Variants in IMMP2L observed in about 807,000 individuals in gnomAD.
IMMP2L encodes mitochondrial inner membrane protease subunit 2.
IMMP2L carries 18 observed loss-of-function variants against 19.3 expected under a neutral mutation model. That is an observed-to-expected ratio of 0.93 (90% CI 0.64 to 1.38). The LOEUF (loss-of-function observed/expected upper bound fraction) is 1.38. Ranked by LOEUF, IMMP2L falls within the 40% of genes most tolerant of loss-of-function variation. IMMP2L has a pLI of 0.00. For missense variants in IMMP2L, 233 were observed against 218.2 expected (o/e 1.07, Z -0.43); for synonymous variants, 76 against 73.0 (o/e 1.04, Z -0.21).
At chr7:111,460,522 T>A (rs1450632052) in intron 3 of IMMP2L, among the ~76,000 whole-genome samples, 3 of 152,142 alleles carry the variant, frequency 2.0e-5, no homozygotes, top group Non-Finnish European at 4.4e-5. Context: ...GGAGATTTTT[T>A]AATAAATGTT....
intron 3 of IMMP2L, among the ~76,000 whole-genome samples, chr7:111,164,259 A>C (rs561857119): frequency 6.6e-6 from 1 of 152,166 alleles, no homozygotes; most frequent in East Asian, 1.9e-4. Flanking sequence ...CGGCGCAATT[A>C]CTTTTGCACC....
At chr7:111,017,013 T>C (rs919740437) in intron 3 of IMMP2L, among the ~76,000 whole-genome samples, 2 of 133,346 alleles carry the variant, frequency 1.5e-5, no homozygotes, top group Non-Finnish European at 3.1e-5. Flanking sequence ...ATATAAACAT[T>C]ATAGTCATTA....
chr7:111,193,021 G>A (rs952480322), intron 3 of IMMP2L, among the ~76,000 whole-genome samples: 1 of 152,098 alleles, frequency 6.6e-6, no homozygotes, highest in Non-Finnish European at 1.5e-5. Flanking sequence ...GCAGAAGCCA[G>A]ACTTCAGTGG....
intron 4 of IMMP2L, among the ~76,000 whole-genome samples, chr7:110,926,249 T>C (rs1389537963): frequency 2.0e-5 from 3 of 152,104 alleles, no homozygotes; most frequent in Admixed American, 2.0e-4. Flanking sequence ...GTGTTCTTTT[T>C]AAATAGGAAG....
intron 3 of IMMP2L, among the ~76,000 whole-genome samples, chr7:111,420,175 C>A (rs1835352260): frequency 6.6e-6 from 1 of 151,588 alleles, no homozygotes; most frequent in African/African-American, 2.4e-5. Flanking sequence ...GAGATTCAGC[C>A]TGAATTGAAA....
intron 2 of IMMP2L, among the ~76,000 whole-genome samples, chr7:111,504,901 C>T (rs1436515004): frequency 2.0e-5 from 3 of 151,978 alleles, no homozygotes; most frequent in Admixed American, 2.0e-4. Context: ...CCATTCAGGA[C>T]ATAGGCATGG....
At chr7:111,379,610 C>G (rs1831006064) in intron 3 of IMMP2L, among the ~76,000 whole-genome samples, 1 of 151,586 alleles carries the variant, frequency 6.6e-6, no homozygotes, top group African/African-American at 2.4e-5. Flanking sequence ...CAAATAGAAA[C>G]ACCATTTTCT....
chr7:110,974,892 A>C (rs1820530593), intron 3 of IMMP2L, among the ~76,000 whole-genome samples: 1 of 152,136 alleles, frequency 6.6e-6, no homozygotes, highest in Admixed American at 6.6e-5. Context: ...TTTGTGTTAT[A>C]CGTAGGAGAA....
At chr7:111,373,153 C>T (rs979218039) in intron 3 of IMMP2L, among the ~76,000 whole-genome samples, 43 of 149,782 alleles carry the variant, frequency 2.9e-4, no homozygotes, top group Admixed American at 7.4e-4. Context: ...AAAGAGATCA[C>T]ATGCCTCCCA....
In IMMP2L at chr7:111,281,267, G is replaced by GAC. The variant is rs2130648576; in HGVS notation, c.239+205970_239+205971insGT. 2.8e-5 allele frequency among the ~76,000 whole-genome samples: 4 copies of GAC among 140,460 alleles called. No homozygotes were observed. The East Asian group carries it at 7.9e-4, about 28-fold the overall frequency. The allele number at this position is 140,460 out of a possible 152,430, so 92.1% of individuals were successfully genotyped here. A position where few individuals can be genotyped will look rare whatever the true frequency, so the allele number is the denominator to read the frequency against. On this transcript the variant is annotated intron_variant, in intron 3 of 5. Coordinates refer to ENST00000405709, the MANE Select transcript of IMMP2L (RefSeq NM_032549.4). ...AAGAAGAGAGAGAGAGAAAGAGAGA[G>GAC]AGAAAGAAAGAGAAGGAAAGAAAGA...
chr7:110,751,991 A>C (rs1028936824), intron 5 of IMMP2L, among the ~76,000 whole-genome samples: 1 of 151,996 alleles, frequency 6.6e-6, no homozygotes, highest in Non-Finnish European at 1.5e-5. Context: ...TAAGTCCCAC[A>C]CTAAGATTTT....
intron 5 of IMMP2L, among the ~76,000 whole-genome samples, chr7:110,686,393 AC>A (rs1214607111): frequency 2.0e-5 from 3 of 151,834 alleles, no homozygotes; most frequent in South Asian, 2.1e-4. Flanking sequence ...TAGTTTCAAC[AC>A]CTACCACACT....
At chr7:111,434,356 A>C (rs1836920404) in intron 3 of IMMP2L, among the ~76,000 whole-genome samples, 1 of 151,638 alleles carries the variant, frequency 6.6e-6, no homozygotes, top group Non-Finnish European at 1.5e-5. Context: ...CAAAAACAAA[A>C]ATAGACAAAT....
At chr7:110,962,105 T>C (rs1162547489) in intron 4 of IMMP2L, among the ~76,000 whole-genome samples, 1 of 151,990 alleles carries the variant, frequency 6.6e-6, no homozygotes, top group African/African-American at 2.4e-5. Flanking sequence ...TAAAAGACCT[T>C]CACTGATATC....
At chr7:110,753,928 C>T (rs1197750167) in intron 5 of IMMP2L, among the ~76,000 whole-genome samples, 2 of 152,088 alleles carry the variant, frequency 1.3e-5, no homozygotes, top group East Asian at 3.9e-4. Flanking sequence ...GCCCAGCTAT[C>T]TTTACTTCTT....
intron 1 of IMMP2L, among the ~76,000 whole-genome samples, chr7:111,557,271 C>A (rs1021446743): frequency 2.0e-5 from 3 of 152,238 alleles, no homozygotes; most frequent in Middle Eastern, 3.4e-3. Context: ...TTTCAGTGAT[C>A]TTCCATGACA....
chr7:111,208,025 C>A (rs1017539396), intron 3 of IMMP2L, among the ~76,000 whole-genome samples: 5 of 152,024 alleles, frequency 3.3e-5, no homozygotes, highest in Non-Finnish European at 7.4e-5. Flanking sequence ...TTCAAAAGAC[C>A]CCCTACCAAA....
chr7:111,384,134 A>G (rs1206315797), intron 3 of IMMP2L, among the ~76,000 whole-genome samples: 1 of 151,184 alleles, frequency 6.6e-6, no homozygotes, highest in Non-Finnish European at 1.5e-5. Flanking sequence ...GCAGAGTGAG[A>G]GCCCCCATCT....
chr7:111,448,990 T>C lies in IMMP2L; in HGVS notation c.239+38248A>G, dbSNP rs1319719527. Among the ~76,000 whole-genome samples the C allele has an allele frequency of 4.7e-5, 7 of 149,776 alleles. No homozygotes were observed. In the South Asian group the frequency reaches 1.1e-3, roughly 23 times the overall value. The stretch of plus-strand genomic sequence containing the variant: ...TGGATACATTCCTCGACACATACAC[T>C]CTCCCAAGACTAAACCAGGAAGAAG... On this transcript the variant is annotated intron_variant, in intron 3 of 5. Coordinates refer to ENST00000405709, the MANE Select transcript of IMMP2L (RefSeq NM_032549.4).
Sources: allele counts gnomAD v4.1 joint callset (sites outside exome capture counted in the v4.1 genomes callset), GRCh38; gene constraint gnomAD v4.1.1; transcripts MANE v1.5; gene names NCBI Gene and HGNC (gene_info 2026-07-23, HGNC 2026-07-21).